Variants in IGSF11 observed in about 807,000 individuals in gnomAD.
IGSF11 encodes the protein immunoglobulin superfamily member 11.
In IGSF11, 22 loss-of-function variants were observed where a neutral mutation model predicts 41.0. The ratio of observed to expected loss-of-function variants is 0.54; its 90% confidence interval spans 0.38 to 0.77. The LOEUF (loss-of-function observed/expected upper bound fraction) is 0.77. IGSF11 is among the 30% of genes least tolerant of loss of function. IGSF11 has a pLI of 0.00. For missense variants in IGSF11, 444 were observed against 530.8 expected (o/e 0.84, Z 1.61); for synonymous variants, 219 against 201.3 (o/e 1.09, Z -0.74).
intron 1 of IGSF11, among the ~76,000 whole-genome samples, chr3:119,046,580 A>T (rs1576724158): frequency 6.6e-6 from 1 of 151,940 alleles, no homozygotes; most frequent in East Asian, 1.9e-4. Flanking sequence ...GCAGGATATT[A>T]TCCAGGAGAA....
At chr3:118,991,810 T>C (rs887153070) in intron 1 of IGSF11, among the ~76,000 whole-genome samples, 4 of 152,138 alleles carry the variant, frequency 2.6e-5, no homozygotes, top group African/African-American at 9.7e-5. Context: ...TGGGAATCAA[T>C]GGAAAACAAA....
chr3:118,932,819 G>T (rs1942963307), intron 1 of IGSF11, among the ~76,000 whole-genome samples: 1 of 152,200 alleles, frequency 6.6e-6, no homozygotes, highest in East Asian at 1.9e-4. Context: ...TCAAGGAAGA[G>T]GTAAAGGAAA....
At chr3:119,117,319 T>G (rs2077271701) in intron 1 of IGSF11, among the ~76,000 whole-genome samples, 1 of 152,180 alleles carries the variant, frequency 6.6e-6, no homozygotes, top group Admixed American at 6.5e-5. Context: ...AGGGGTTTAA[T>G]GGACTTACAG....
upstream of IGSF11, among the ~76,000 whole-genome samples, chr3:119,109,108 T>C (rs1425379509): frequency 7.1e-6 from 1 of 139,862 alleles, no homozygotes; most frequent in Non-Finnish European, 1.6e-5. Context: ...CCTCATAAAA[T>C]GAGTTAGGGA....
upstream of IGSF11, among the ~76,000 whole-genome samples, chr3:119,037,518 G>C (rs993276123): frequency 1.3e-5 from 2 of 152,204 alleles, no homozygotes; most frequent in Non-Finnish European, 2.9e-5. Context: ...CCTCATCTCT[G>C]AGAGAGTTAT....
chr3:119,055,456 C>T (rs547805583), intron 1 of IGSF11, among the ~76,000 whole-genome samples: 70 of 152,248 alleles, frequency 4.6e-4, no homozygotes, highest in African/African-American at 1.7e-3. Context: ...ACAGGAGGAC[C>T]CAGATTCATA....
chr3:118,926,048 A>G (rs927952211), intron 4 of IGSF11, 53 bp downstream of exon 4: 2 of 1,297,390 alleles, frequency 1.5e-6, no homozygotes, highest in African/African-American at 3.0e-5. Flanking sequence ...CTTTTTGAAT[A>G]TTAGAATTGT....
intron 1 of IGSF11, among the ~76,000 whole-genome samples, chr3:118,980,494 C>T (rs1393805713): frequency 1.3e-5 from 2 of 152,012 alleles, no homozygotes; most frequent in South Asian, 2.1e-4. Flanking sequence ...AAGAGTGGAA[C>T]AATAGATACC....
At chr3:119,103,201 G>T (rs2076965961) in intron 1 of IGSF11, among the ~76,000 whole-genome samples, 1 of 152,128 alleles carries the variant, frequency 6.6e-6, no homozygotes, top group African/African-American at 2.4e-5. Flanking sequence ...GTTTCACCGT[G>T]TTAGCCAGGA....
intron 4 of IGSF11, among the ~76,000 whole-genome samples, chr3:118,916,804 A>AT (rs1034576114): frequency 6.6e-6 from 1 of 151,578 alleles, no homozygotes; most frequent in Admixed American, 6.6e-5. Flanking sequence ...CAGAATATAC[A>AT]TTTTTTTCAG....
intron 1 of IGSF11, among the ~76,000 whole-genome samples, chr3:118,957,943 C>A (rs936323308): frequency 6.6e-6 from 1 of 152,200 alleles, no homozygotes; most frequent in Non-Finnish European, 1.5e-5. Flanking sequence ...AAGCCTATTA[C>A]ATGTTTCCAA....
At chr3:119,020,822 A>G (rs920022031) in intron 1 of IGSF11, among the ~76,000 whole-genome samples, 1 of 152,180 alleles carries the variant, frequency 6.6e-6, no homozygotes, top group African/African-American at 2.4e-5. Context: ...GCTTCCCCAC[A>G]CAATCCTGAC....
At chr3:119,034,939 C>A, upstream of IGSF11, 1 of 748,084 alleles carries the variant, frequency 1.3e-6, no homozygotes, top group Non-Finnish European at 1.7e-6. Context: ...GCCGCCCACT[C>A]GCCCCGCTTG....
Position 119,110,646 on chromosome 3 carries a change from G to A in IGSF11, c.-13-5441C>T, listed in dbSNP as rs962527135. 4.6e-5 allele frequency among the ~76,000 whole-genome samples: 7 copies of A among 152,220 alleles called. 1 individual carries two copies. The highest frequency in any genetic ancestry group is 3.9e-4 in the East Asian group (2 of 5,172). The stretch of plus-strand genomic sequence containing the variant: ...GGTCCTGTCATTATGATGTTAGCTC[G>A]TTATTTTGCTCATTAGTTGATGCAG... On this transcript the variant is annotated intron_variant, in intron 1 of 7. Transcript: ENST00000425327.
intron 1 of IGSF11, among the ~76,000 whole-genome samples, chr3:119,020,004 C>T (rs1472361449): frequency 6.6e-6 from 1 of 152,106 alleles, no homozygotes; most frequent in Non-Finnish European, 1.5e-5. Context: ...AGCTCTTTGC[C>T]CCTTCCACCA....
intron 1 of IGSF11, among the ~76,000 whole-genome samples, chr3:119,100,205 G>A (rs993997398): frequency 6.6e-6 from 1 of 152,196 alleles, no homozygotes; most frequent in Admixed American, 6.5e-5. Flanking sequence ...CTGAAAAAGA[G>A]AAAGCCTAAA....
chr3:119,095,858 G>A (rs1020623724), intron 1 of IGSF11, among the ~76,000 whole-genome samples: 5 of 152,258 alleles, frequency 3.3e-5, no homozygotes, highest in Middle Eastern at 3.4e-3. Context: ...GAATGGCTTA[G>A]GTAGAGATAA....
chr3:119,085,056 C>G (rs531665705), intron 1 of IGSF11, among the ~76,000 whole-genome samples: 1 of 152,164 alleles, frequency 6.6e-6, no homozygotes, highest in African/African-American at 2.4e-5. Context: ...GGAGCCTCAA[C>G]GCCCAAAAGA....
intron 1 of IGSF11, among the ~76,000 whole-genome samples, chr3:119,120,477 G>T (rs75456176): frequency 6.6e-6 from 1 of 152,148 alleles, no homozygotes; most frequent in South Asian, 2.1e-4. Flanking sequence ...AGAGAAAAAA[G>T]GTTTCCTCAT....
Sources: gnomAD v4.1 joint callset for allele counts (sites outside exome capture counted in the v4.1 genomes callset) on GRCh38, gnomAD v4.1.1 for gene constraint, MANE v1.5 for transcripts, NCBI Gene and HGNC (gene_info 2026-07-23, HGNC 2026-07-21) for gene names.